PAN3: variants seen among roughly 807,000 people sequenced by gnomAD.
PAN3 encodes PAN2-PAN3 deadenylation complex subunit PAN3.
A neutral mutation model predicts 96.2 loss-of-function variants in PAN3; 19 were observed. The ratio of observed to expected loss-of-function variants is 0.20; its 90% CI spans 0.14 to 0.29. The LOEUF (loss-of-function observed/expected upper bound fraction) is 0.29, where lower values mean the gene tolerates loss of function less well. Among genes scored for constraint, PAN3 ranks in the 10% least tolerant of loss-of-function variants. The pLI, the probability that PAN3 is intolerant of heterozygous loss-of-function variation, is 1.00. For missense variants in PAN3, 882 were observed against 1,108.1 expected (o/e 0.80, Z 2.90); for synonymous variants, 433 against 406.6 (o/e 1.06, Z -0.78).
In PAN3 at chr13:28,139,103, G is replaced by C; in HGVS notation, c.430+16G>C. ...CGGCTGGCAAGTGAGTGTTTTTCGG[G>C]CGGGGCGGGCCGCGGCGGCGGAGGG... On this transcript the variant is annotated intron_variant, in intron 1 of 18. Coordinates refer to ENST00000380958, the MANE Select transcript of PAN3 (RefSeq NM_175854.8). 2.4e-6 allele frequency: 3 copies of C among 1,270,612 alleles called. No individual in the cohort carries two copies. The highest frequency in any genetic ancestry group is 2.0e-6 in the Non-Finnish European group (2 of 1,009,490). The allele number at this position is 1,270,612 out of a possible 1,614,324, so 78.7% of individuals were successfully genotyped here. A position where few individuals can be genotyped will look rare whatever the true frequency, so the allele number is the denominator to read the frequency against.
chr13:28,247,417 G>C (rs1373555999), intron 6 of PAN3, among the ~76,000 whole-genome samples: 1 of 151,952 alleles, frequency 6.6e-6, no homozygotes, highest in Non-Finnish European at 1.5e-5. Context: ...TTCTTTTGCG[G>C]TGCAGATACT....
intron 6 of PAN3, among the ~76,000 whole-genome samples, chr13:28,231,571 A>T (rs1882564441): frequency 6.6e-6 from 1 of 152,188 alleles, no homozygotes; most frequent in Admixed American, 6.5e-5. Flanking sequence ...AGCCAAAATG[A>T]AGTAGGATTA....
chr13:28,201,514 C>A (rs1878695645), intron 5 of PAN3, among the ~76,000 whole-genome samples: 1 of 151,940 alleles, frequency 6.6e-6, no homozygotes, highest in Non-Finnish European at 1.5e-5. Context: ...TCGCTGCACT[C>A]CAGCCTGGGC....
At chr13:28,285,279 A>G (rs1868840634) in intron 17 of PAN3, among the ~76,000 whole-genome samples, 1 of 152,082 alleles carries the variant, frequency 6.6e-6, no homozygotes, top group Non-Finnish European at 1.5e-5. Context: ...CTATACTTTT[A>G]ATTTCTCTTG....
Position 28,138,641 on chromosome 13 carries a change from G to A in PAN3, c.-17G>A. ...GGCTCCTCGGGCGGCGGCGGAAGAC[G>A]AGGCTGCGGCGTTGCCATGAACAGT... On this transcript the variant is annotated 5_prime_UTR_variant, in exon 1 of 19. Transcript: ENST00000380958. 1 of 552,292 alleles carries A rather than the reference G, an allele frequency of 1.8e-6. No homozygotes were observed. The highest frequency in any genetic ancestry group is 2.9e-6 in the Non-Finnish European group (1 of 346,624). 34.2% of individuals were successfully genotyped at this position (552,292 alleles called of 1,614,324 possible).
intron 5 of PAN3, chr13:28,215,973 G>C (rs944455279): frequency 1.1e-5 from 9 of 832,026 alleles, no homozygotes; most frequent in Non-Finnish European, 1.8e-5. Context: ...AGTTTCAGTT[G>C]GCCATTTAAG....
chr13:28,210,963 G>A (rs1294356296), intron 5 of PAN3, among the ~76,000 whole-genome samples: 3 of 152,082 alleles, frequency 2.0e-5, no homozygotes, highest in African/African-American at 7.2e-5. Context: ...GGAGGGTACT[G>A]GTGTAGAGAT....
chr13:28,206,684 A>C (rs1879403191), intron 5 of PAN3, among the ~76,000 whole-genome samples: 2 of 150,470 alleles, frequency 1.3e-5, no homozygotes, highest in Non-Finnish European at 3.0e-5. Flanking sequence ...ACAGTTGACC[A>C]TTCTTCTTTT....
rs755094232 is a variant in PAN3, at chr13:28,197,229, G to A, written c.735G>A (p.Pro245=). 14 of 1,613,348 alleles carry A rather than the reference G, an allele frequency of 8.7e-6. No individual in the cohort carries two copies. The highest frequency in any genetic ancestry group is 2.7e-5 in the African/African-American group (2 of 74,878). ...GGATGCTGGAGGAGAGGCTAGTTCC[G>A]ATGGGATCAAAGGCACGAAAAGCAA... ...RLGMLEERLV[P]MGSKARKAKN... is the part of the protein sequence containing the mutation. The change falls in exon 5 of 19, where the codon CCG becomes CCA. Residue 245 remains proline, a synonymous_variant. Transcript: ENST00000380958.
In PAN3 at chr13:28,190,171, C is replaced by T. The variant is rs192034922; in HGVS notation, c.691-7014C>T. Among the ~76,000 whole-genome samples the T allele has an allele frequency of 8.5e-5, 13 of 152,242 alleles. No homozygotes were observed. In the East Asian group the frequency reaches 2.5e-3, roughly 29 times the overall value. On this transcript the variant is annotated intron_variant, in intron 4 of 18. Transcript: ENST00000380958. ...TGTTGGCCAGGCTGGTCTGGAACTC[C>T]TGACCTCAGGTGATCCGCCCGCGTC...
chr13:28,205,750 A>G (rs980798631), intron 5 of PAN3, among the ~76,000 whole-genome samples: 3 of 151,984 alleles, frequency 2.0e-5, no homozygotes, highest in African/African-American at 7.3e-5. Flanking sequence ...GGCAGAGGCA[A>G]GAGAATCCCA....
rs11343365 is a variant in PAN3, at chr13:28,292,283, CAAAA to C, written c.2524-94_2524-91del. 3.6e-4 allele frequency: 452 copies of C among 1,259,264 alleles called. 1 individual carries two copies. In the African/African-American group the frequency reaches 6.2e-3, roughly 17 times the overall value. The allele number at this position is 1,259,264 out of a possible 1,614,324, so 78.0% of individuals were successfully genotyped here. ...CATGGATATCTGAAAGGGAATGTGA[CAAAA>C]AAAATTTAGATATTTTATTTATTTT... On this transcript the variant is annotated intron_variant, in intron 18 of 18. Coordinates refer to ENST00000380958, the MANE Select transcript of PAN3 (RefSeq NM_175854.8).
At chr13:28,147,113 G>A (rs970235404) in intron 1 of PAN3, among the ~76,000 whole-genome samples, 10 of 152,208 alleles carry the variant, frequency 6.6e-5, no homozygotes, top group African/African-American at 2.4e-4. Context: ...ATATATGTTT[G>A]TGTCTCATTT....
intron 6 of PAN3, among the ~76,000 whole-genome samples, chr13:28,236,794 T>C (rs755736114): frequency 9.9e-5 from 15 of 152,170 alleles, no homozygotes; most frequent in Non-Finnish European, 1.9e-4. Flanking sequence ...TTTGTAGAGA[T>C]GGGGTCTCCC....
rs558202310 is a variant in PAN3, at chr13:28,153,782, G to A, written c.430+14695G>A. Reference sequence around the variant, plus strand: ...TACTACAAGATTTAGCAAAATAATTGGAAATGCATGTGGTTTGCTAGTTTC... The same window carrying A: ...TACTACAAGATTTAGCAAAATAATTAGAAATGCATGTGGTTTGCTAGTTTC... On this transcript the variant is annotated intron_variant, in intron 1 of 18. Transcript: ENST00000380958. Among the ~76,000 whole-genome samples, 9 of 152,190 alleles carry A rather than the reference G, an allele frequency of 5.9e-5. No homozygotes were observed. In the East Asian group the frequency reaches 1.2e-3, roughly 20 times the overall value.
At chr13:28,161,110 A>G (rs1872826533) in intron 1 of PAN3, among the ~76,000 whole-genome samples, 1 of 152,130 alleles carries the variant, frequency 6.6e-6, no homozygotes, top group African/African-American at 2.4e-5. Flanking sequence ...TCTGAGCTTA[A>G]TGTTTGACTG....
At chr13:28,170,712 GTCA>G (rs570754534) in intron 1 of PAN3, among the ~76,000 whole-genome samples, 5 of 151,888 alleles carry the variant, frequency 3.3e-5, no homozygotes, top group Non-Finnish European at 7.4e-5. Flanking sequence ...GGATTGCTCT[GTCA>G]TCATCATCAT....
At chr13:28,251,194 T>A (rs761192450) in intron 6 of PAN3, among the ~76,000 whole-genome samples, 9 of 152,240 alleles carry the variant, frequency 5.9e-5, no homozygotes, top group Non-Finnish European at 8.8e-5. Flanking sequence ...TCTTTTGTGA[T>A]GTTTGTCACT....
chr13:28,240,947 T>C (rs1766509876), intron 6 of PAN3, among the ~76,000 whole-genome samples: 1 of 152,226 alleles, frequency 6.6e-6, no homozygotes, highest in Non-Finnish European at 1.5e-5. Context: ...GTCATATCTT[T>C]ATTTGTGTCC....
Sources: gnomAD v4.1 joint callset for allele counts (sites outside exome capture counted in the v4.1 genomes callset) on GRCh38, gnomAD v4.1.1 for gene constraint, MANE v1.5 for transcripts, NCBI Gene and HGNC (gene_info 2026-07-23, HGNC 2026-07-21) for gene names.